Variants in ANO1 observed in about 807,000 individuals in gnomAD.
ANO1 encodes the protein anoctamin 1, also known as anoctamin-1.
ANO1 carries 59 observed loss-of-function variants against 124.0 expected under a neutral mutation model. The observed-to-expected ratio is 0.48, with a 90% CI of 0.39 to 0.59. ANO1 has a LOEUF of 0.59. Among genes scored for constraint, ANO1 ranks in the 20% least tolerant of loss-of-function variants. The probability of loss-of-function intolerance (pLI) is 0.00; values close to 1 mark genes in which losing one functional copy is unlikely to be tolerated. For synonymous variants in ANO1, 529 were observed against 532.0 expected (o/e 0.99, Z 0.08); for missense variants, 1,059 against 1,328.0 (o/e 0.80, Z 3.15).
intron 19 of ANO1, 196 bp from the exon 20 acceptor site, chr11:70,165,274 C>A: frequency 1.7e-6 from 1 of 593,134 alleles, no homozygotes; most frequent in Non-Finnish European, 3.0e-6. Flanking sequence ...AGCATGAAAA[C>A]ACCCTGACTT....
intron 1 of ANO1, among the ~76,000 whole-genome samples, chr11:70,006,663 C>CTTTTTTTTTTTTTTTTTTTTTTTTTTTT (rs56851839): frequency 2.2e-5 from 2 of 88,996 alleles, no homozygotes; most frequent in African/African-American, 4.2e-5. Context: ...TTTCTTCTTT[C>CTTTTTTTTTTTTTTTTTTTTTTTTTTTT]TTTTTTTTTT....
intron 5 of ANO1, chr11:70,108,104 G>C (rs12420383): frequency 0.17 from 77,162 of 459,426 alleles, 7,912 homozygotes; most frequent in Admixed American, 0.26. Context: ...TCCCACGTTG[G>C]GAGGTGAAAG....
At chr11:70,055,485 G>T (rs1857419570) in intron 1 of ANO1, among the ~76,000 whole-genome samples, 1 of 151,804 alleles carries the variant, frequency 6.6e-6, no homozygotes. Context: ...TTCTATAGCT[G>T]CAGCAAGTTT....
chr11:70,166,596 A>G (rs1014391694), intron 20 of ANO1, among the ~76,000 whole-genome samples: 6 of 151,994 alleles, frequency 3.9e-5, no homozygotes, highest in Non-Finnish European at 7.4e-5. Context: ...TTGTCGGGCC[A>G]TTTTCCATGA....
chr11:70,127,412 T>C (rs1396238177), intron 10 of ANO1, among the ~76,000 whole-genome samples: 1 of 152,090 alleles, frequency 6.6e-6, no homozygotes, highest in Non-Finnish European at 1.5e-5. Context: ...TGAATGTAGA[T>C]CCGATGTGCC....
At chr11:70,043,694 G>A (rs1186629678) in intron 1 of ANO1, among the ~76,000 whole-genome samples, 2 of 152,000 alleles carry the variant, frequency 1.3e-5, no homozygotes, top group African/African-American at 4.8e-5. Flanking sequence ...GAAACAGAAC[G>A]CCAACCTAGA....
At chr11:70,044,580 A>G (rs753618784) in intron 1 of ANO1, among the ~76,000 whole-genome samples, 5 of 152,186 alleles carry the variant, frequency 3.3e-5, no homozygotes, top group Admixed American at 3.3e-4. Context: ...GTTATTATTT[A>G]CAATAGAATG....
chr11:70,123,496 A>G (rs2046377321), intron 8 of ANO1, among the ~76,000 whole-genome samples: 1 of 152,218 alleles, frequency 6.6e-6, no homozygotes, highest in Non-Finnish European at 1.5e-5. Context: ...TGGAGGCTCC[A>G]AGGGGTTCCC....
At chr11:69,999,046 A>G (rs949542183) in intron 1 of ANO1, among the ~76,000 whole-genome samples, 83 of 138,344 alleles carry the variant, frequency 6.0e-4, no homozygotes, top group African/African-American at 9.1e-4. Context: ...AAAAAAAAAA[A>G]AGAGATTTTT....
chr11:70,141,566 G>C (rs1329097055), intron 11 of ANO1: 1 of 152,274 alleles, frequency 6.6e-6, no homozygotes, highest in Non-Finnish European at 1.5e-5. Flanking sequence ...CTCCCACGAA[G>C]CATTTGCTTT....
chr11:69,985,876 C>G (rs2120269318), upstream of ANO1: 1 of 152,274 alleles, frequency 6.6e-6, no homozygotes, highest in South Asian at 2.1e-4. Context: ...ACCCCCAGAC[C>G]AAAAAGCCGA....
chr11:70,015,372 T>C (rs1856685946), intron 1 of ANO1, among the ~76,000 whole-genome samples: 1 of 152,158 alleles, frequency 6.6e-6, no homozygotes, highest in Admixed American at 6.5e-5. Flanking sequence ...AGGTGCTCCC[T>C]GCCCTCAGGG....
chr11:70,019,407 A>G (rs887991002), intron 1 of ANO1, among the ~76,000 whole-genome samples: 3 of 152,188 alleles, frequency 2.0e-5, no homozygotes, highest in Non-Finnish European at 4.4e-5. Context: ...AAAGAAAGCA[A>G]GGAAACCGTT....
chr11:70,036,603 G>T (rs968153766), intron 1 of ANO1, among the ~76,000 whole-genome samples: 1 of 151,946 alleles, frequency 6.6e-6, no homozygotes, highest in South Asian at 2.1e-4. Context: ...TTGTGTTTTT[G>T]TTTTGTTTTG....
At chr11:70,039,079 T>C (rs1402986000) in intron 1 of ANO1, among the ~76,000 whole-genome samples, 3 of 152,186 alleles carry the variant, frequency 2.0e-5, no homozygotes, top group African/African-American at 7.2e-5. Context: ...AAGACATCCC[T>C]GGTCTGGAGG....
intron 1 of ANO1, among the ~76,000 whole-genome samples, chr11:69,993,437 T>A (rs1856194969): frequency 6.6e-6 from 1 of 152,198 alleles, no homozygotes; most frequent in Non-Finnish European, 1.5e-5. Flanking sequence ...CATCAACAGC[T>A]GGATATTGGG....
At chr11:70,156,872 T>C (rs2047835762) in intron 15 of ANO1, 75 bp from the exon 16 acceptor site, 82 of 1,399,160 alleles carry the variant, frequency 5.9e-5, no homozygotes, top group South Asian at 1.2e-4. Flanking sequence ...CGCACGCACA[T>C]GCACCCACGC....
intron 1 of ANO1, among the ~76,000 whole-genome samples, chr11:70,084,043 C>T (rs1489118525): frequency 6.6e-6 from 1 of 151,768 alleles, no homozygotes; most frequent in African/African-American, 2.4e-5. Context: ...TCTGCAAAGG[C>T]AAGGAGGAGG....
chr11:70,084,857 G>T (rs1310871042), intron 1 of ANO1, among the ~76,000 whole-genome samples: 1 of 152,200 alleles, frequency 6.6e-6, no homozygotes, highest in Non-Finnish European at 1.5e-5. Context: ...CCCTGCACTG[G>T]GGTCAGCCAG....
Sources: allele counts gnomAD v4.1 joint callset (sites outside exome capture counted in the v4.1 genomes callset), GRCh38; gene constraint gnomAD v4.1.1; transcripts MANE v1.5; gene names NCBI Gene and HGNC (gene_info 2026-07-23, HGNC 2026-07-21).